The following KCNMA1 variants were observed in gnomAD, a reference collection of about 807,000 sequenced individuals.
KCNMA1 encodes potassium calcium-activated channel subfamily M alpha 1, also known as Calcium-activated potassium channel subunit alpha-1.
A neutral mutation model predicts 140.0 loss-of-function variants in KCNMA1; 29 were observed. That is an observed-to-expected ratio of 0.21 (90% CI 0.15 to 0.28). KCNMA1 has a LOEUF of 0.28. KCNMA1 is among the 10% of genes least tolerant of loss of function. The pLI, the probability that KCNMA1 is intolerant of heterozygous loss-of-function variation, is 1.00. For missense variants in KCNMA1, 880 were observed against 1,602.2 expected (o/e 0.55, Z 7.70); for synonymous variants, 612 against 611.9 (o/e 1.00, Z 0.00).
chr10:77,550,663 G>A (rs2062598748), intron 1 of KCNMA1, among the ~76,000 whole-genome samples: 2 of 152,236 alleles, frequency 1.3e-5, no homozygotes, highest in African/African-American at 4.8e-5. Flanking sequence ...GCAGAAGCAA[G>A]GCTTGGGGGA....
chr10:77,579,922 A>G (rs1231306370), intron 1 of KCNMA1, among the ~76,000 whole-genome samples: 1 of 152,198 alleles, frequency 6.6e-6, no homozygotes, highest in Non-Finnish European at 1.5e-5. Context: ...ATTGAATGCC[A>G]AATTTGAATT....
At chr10:77,312,979 C>G (rs550425169) in intron 2 of KCNMA1, among the ~76,000 whole-genome samples, 7 of 152,194 alleles carry the variant, frequency 4.6e-5, no homozygotes, top group Non-Finnish European at 1.0e-4. Context: ...CACACGGCCA[C>G]TCTCACAACC....
intron 2 of KCNMA1, among the ~76,000 whole-genome samples, chr10:77,256,940 CA>C (rs1432501098): frequency 2.0e-5 from 3 of 151,744 alleles, no homozygotes; most frequent in Non-Finnish European, 2.9e-5. Context: ...CATATCTCTA[CA>C]AAAAAAACTT....
intron 1 of KCNMA1, among the ~76,000 whole-genome samples, chr10:77,573,667 A>G (rs71492188): frequency 0.015 from 1,519 of 100,184 alleles, 14 homozygotes; most frequent in African/African-American, 0.02. Flanking sequence ...AGAATAGAAT[A>G]GAATAGAATA....
At chr10:77,176,679 G>C (rs1053070486) in intron 5 of KCNMA1, among the ~76,000 whole-genome samples, 3 of 152,080 alleles carry the variant, frequency 2.0e-5, no homozygotes, top group Non-Finnish European at 4.4e-5. Flanking sequence ...CCTCTTCTGG[G>C]CTCTGACTTT....
chr10:77,397,054 A>C (rs1340509771), intron 2 of KCNMA1, among the ~76,000 whole-genome samples: 2 of 152,138 alleles, frequency 1.3e-5, no homozygotes, highest in Non-Finnish European at 2.9e-5. Flanking sequence ...TAGTTTCCCT[A>C]GGGAGACAGT....
Position 77,205,282 on chromosome 10 carries a change from C to T in KCNMA1, c.603-20366G>A, listed in dbSNP as rs146907195. Among the ~76,000 whole-genome samples the T allele has an allele frequency of 1.7e-3, 260 of 152,214 alleles. No homozygotes were observed. The Middle Eastern group carries it at 0.02, about 12-fold the overall frequency. On this transcript the variant is annotated intron_variant, in intron 3 of 27. Coordinates refer to ENST00000286628, the MANE Select transcript of KCNMA1 (RefSeq NM_001161352.2). The stretch of plus-strand genomic sequence containing the variant: ...CAGGAAGCTGGACCTAAACTTGACA[C>T]GAAGCATACTAGGAGCAAAGCTAAA...
intron 5 of KCNMA1, among the ~76,000 whole-genome samples, chr10:77,180,654 G>A (rs2098795807): frequency 2.0e-5 from 3 of 152,130 alleles, no homozygotes; most frequent in African/African-American, 7.2e-5. Flanking sequence ...AGTATAGGAG[G>A]GTAGGGGGAT....
chr10:76,976,867 A>G (rs1671311848), intron 19 of KCNMA1, among the ~76,000 whole-genome samples: 1 of 152,194 alleles, frequency 6.6e-6, no homozygotes, highest in South Asian at 2.1e-4. Context: ...GAGATGAGAC[A>G]CAGAGATGAA....
chr10:77,330,542 T>C (rs1447032632), intron 2 of KCNMA1, among the ~76,000 whole-genome samples: 2 of 152,180 alleles, frequency 1.3e-5, no homozygotes, highest in African/African-American at 4.8e-5. Context: ...TATCTGGAAC[T>C]CACAATAATT....
At position 77,413,155 on chromosome 10, in the gene KCNMA1, G is replaced by C. The variant is rs190543498; in HGVS notation, c.379-9132C>G. On this transcript the variant is annotated intron_variant, in intron 1 of 27. Coordinates refer to ENST00000286628, the MANE Select transcript of KCNMA1 (RefSeq NM_001161352.2). ...TTTACAGGAGTGAGCCACCTCGCCC[G>C]GCCCCATGTTAGCTTTTTAAAAAAT... is the stretch of plus-strand genomic sequence containing the variant. 2.1e-3 allele frequency among the ~76,000 whole-genome samples: 323 copies of C among 152,108 alleles called. 2 individuals are homozygous for C. The highest frequency in any genetic ancestry group is 0.014 in the Middle Eastern group (4 of 292).
chr10:77,199,291 T>G (rs1367342108), intron 3 of KCNMA1, among the ~76,000 whole-genome samples: 1 of 152,254 alleles, frequency 6.6e-6, no homozygotes, highest in African/African-American at 2.4e-5. Flanking sequence ...ATGCTGGTTT[T>G]GGAGACATAT....
At chr10:77,319,077 C>T (rs911204900) in intron 2 of KCNMA1, among the ~76,000 whole-genome samples, 1 of 152,146 alleles carries the variant, frequency 6.6e-6, no homozygotes, top group Non-Finnish European at 1.5e-5. Flanking sequence ...AAATAAGAAA[C>T]CATCCTTGAC....
intron 2 of KCNMA1, among the ~76,000 whole-genome samples, chr10:77,386,464 C>T (rs748140115): frequency 1.1e-4 from 17 of 152,174 alleles, no homozygotes; most frequent in Non-Finnish European, 1.9e-4. Context: ...ACTTGTCAGC[C>T]GTCTTCCAAG....
intron 1 of KCNMA1, among the ~76,000 whole-genome samples, chr10:77,422,031 A>G (rs2154486401): frequency 6.6e-6 from 1 of 152,386 alleles, no homozygotes; most frequent in East Asian, 1.9e-4. Context: ...CTCACTGCAT[A>G]CAGCATAGCA....
chr10:77,105,494 T>G (rs938022388), intron 9 of KCNMA1, among the ~76,000 whole-genome samples: 4 of 152,232 alleles, frequency 2.6e-5, no homozygotes, highest in African/African-American at 9.6e-5. Context: ...TCTGACAAGT[T>G]AATATATTGT....
chr10:77,483,154 A>G (rs1408974946), intron 1 of KCNMA1, among the ~76,000 whole-genome samples: 2 of 152,148 alleles, frequency 1.3e-5, no homozygotes, highest in Non-Finnish European at 2.9e-5. Context: ...GGGCCAGGAG[A>G]GGAGACTTTT....
At chr10:77,447,222 A>G (rs1031978373) in intron 1 of KCNMA1, among the ~76,000 whole-genome samples, 1 of 152,202 alleles carries the variant, frequency 6.6e-6, no homozygotes, top group East Asian at 1.9e-4. Context: ...TCTCTGTTGG[A>G]TAAATCCACT....
intron 17 of KCNMA1, among the ~76,000 whole-genome samples, chr10:77,018,729 A>G (rs2092480312): frequency 6.6e-6 from 1 of 152,212 alleles, no homozygotes; most frequent in Admixed American, 6.5e-5. Flanking sequence ...ATCATCAGGA[A>G]TCAGGATGAC....
Sources: allele counts gnomAD v4.1 joint callset (sites outside exome capture counted in the v4.1 genomes callset), GRCh38; gene constraint gnomAD v4.1.1; transcripts MANE v1.5; gene names NCBI Gene and HGNC (gene_info 2026-07-23, HGNC 2026-07-21).